Variants in BICD1 observed in about 807,000 individuals in gnomAD.
BICD1 encodes protein bicaudal D homolog 1.
Under a neutral mutation model 92.5 loss-of-function variants are expected in BICD1, and 35 were observed. The observed-to-expected ratio is 0.38, with a 90% CI of 0.29 to 0.50. The LOEUF (loss-of-function observed/expected upper bound fraction) is 0.50, where lower values mean the gene tolerates loss of function less well. Among genes scored for constraint, BICD1 ranks in the 20% least tolerant of loss-of-function variants. The pLI, the probability that BICD1 is intolerant of heterozygous loss-of-function variation, is 0.93. For missense variants in BICD1, 950 were observed against 1,189.8 expected (o/e 0.80, Z 2.97); for synonymous variants, 429 against 465.1 (o/e 0.92, Z 1.00).
At chr12:32,376,142 G>GGC (rs1162726250) in intron 9 of BICD1, among the ~76,000 whole-genome samples, 1 of 147,434 alleles carries the variant, frequency 6.8e-6, no homozygotes, top group African/African-American at 2.5e-5. Flanking sequence ...GGAGTACAGT[G>GGC]GCGCCATCTT....
At chr12:32,140,421 G>A (rs906138962) in intron 1 of BICD1, among the ~76,000 whole-genome samples, 1 of 152,164 alleles carries the variant, frequency 6.6e-6, no homozygotes, top group African/African-American at 2.4e-5. Context: ...TATAAAAAAT[G>A]TAATATTTTA....
At chr12:32,190,880 T>C (rs371146556) in intron 1 of BICD1, among the ~76,000 whole-genome samples, 94 of 152,312 alleles carry the variant, frequency 6.2e-4, no homozygotes, top group African/African-American at 2.2e-3. Flanking sequence ...TTAAGAAGAT[T>C]GGAATCATCT....
rs951352633 is a variant in BICD1 at position 32,328,237 on chromosome 12, A to G, written c.1782A>G (p.Pro594=). 2.7e-5 allele frequency: 43 copies of G among 1,614,212 alleles called. No individual in the cohort carries two copies. Among genetic ancestry groups the G allele is most frequent in the Non-Finnish European group, 3.6e-5 (42 of 1,180,036 alleles). The change falls in exon 5 of 10, where the codon CCA becomes CCG. Residue 594 remains proline (P), a synonymous_variant. Coordinates refer to ENST00000652176, the MANE Select transcript of BICD1 (RefSeq NM_001714.4). The surrounding 1 kb of genome is among the most constrained non-coding windows in gnomAD (Gnocchi z 4.4). Reference sequence around the variant, plus strand: ...CAGAGGCCAGCAAAGAACCAAGTCCAACTAAGACCCCCACAATCTCTCCTG... The same window carrying G: ...CAGAGGCCAGCAAAGAACCAAGTCCGACTAAGACCCCCACAATCTCTCCTG... ...ESTEASKEPS[P]TKTPTISPVI... is the part of the protein sequence containing the mutation.
rs1948828911 is a variant in BICD1, at chr12:32,327,927, C to T, written c.1472C>T (p.Thr491Ile). 5.6e-6 allele frequency: 9 copies of T among 1,613,910 alleles called. No homozygotes were observed. Among genetic ancestry groups the T allele is most frequent in the Non-Finnish European group, 7.6e-6 (9 of 1,180,022 alleles). Residue 491 changes from threonine (T) to isoleucine (I), a missense_variant, in exon 5 of 10, where the codon ACC becomes ATC. Around this residue, in one of 5 missense-constraint regions of BICD1, gnomAD observed 309 missense variants for 499.4 expected, o/e 0.62. Transcript: ENST00000652176. ...AHMEKELQKM[T>I]SIANENHSTL... is the part of the protein sequence containing the mutation. ...ATGGAGAAGGAGTTGCAAAAGATGA[C>T]CAGCATAGCCAACGAAAATCACAGT...
intron 1 of BICD1, among the ~76,000 whole-genome samples, chr12:32,195,842 G>T (rs1427161806): frequency 6.6e-6 from 1 of 152,072 alleles, no homozygotes; most frequent in Non-Finnish European, 1.5e-5. Flanking sequence ...TTAAAAGACA[G>T]CCTAAAGAAT....
At chr12:32,164,127 G>A (rs1308666542) in intron 1 of BICD1, among the ~76,000 whole-genome samples, 2 of 152,102 alleles carry the variant, frequency 1.3e-5, no homozygotes, top group African/African-American at 2.4e-5. Context: ...GGCATATGGC[G>A]AATGTCACAG....
At chr12:32,269,999 A>G (rs1031794658) in intron 2 of BICD1, among the ~76,000 whole-genome samples, 4 of 151,670 alleles carry the variant, frequency 2.6e-5, no homozygotes, top group Non-Finnish European at 2.9e-5. Context: ...GCACGTACCT[A>G]TAGTCCCAGC....
chr12:32,194,787 G>A (rs1034122439), intron 1 of BICD1, among the ~76,000 whole-genome samples: 2 of 152,182 alleles, frequency 1.3e-5, no homozygotes, highest in African/African-American at 4.8e-5. Context: ...GGAGGCTGAG[G>A]TAGGAGAATC....
rs1939575184 is a variant in BICD1 at position 32,367,659 on chromosome 12, G to A, written c.2765-11G>A. The A allele has an allele frequency of 1.9e-6, 3 of 1,613,164 alleles. No individual in the cohort carries two copies. Among genetic ancestry groups the A allele is most frequent in the African/African-American group, 1.3e-5 (1 of 75,050 alleles). On this transcript the variant is annotated splice_polypyrimidine_tract_variant and intron_variant, in intron 8 of 9. Transcript: ENST00000652176. ...CTTTGTACACATGTCTAATTTATCA[G>A]TTTCTTGTAGATTGTCAGCAGCCTG...
chr12:32,143,765 G>T (rs10771917), intron 1 of BICD1, among the ~76,000 whole-genome samples: 124,428 of 152,110 alleles, frequency 0.82, 51,011 homozygotes, highest in Admixed American at 0.89. Flanking sequence ...TTCCAGCAGT[G>T]TATGAGAATT....
intron 4 of BICD1, among the ~76,000 whole-genome samples, chr12:32,312,208 CAA>C (rs1470079949): frequency 6.6e-6 from 1 of 151,978 alleles, no homozygotes; most frequent in Non-Finnish European, 1.5e-5. Context: ...AAAAACAAAA[CAA>C]AACAAAAATC....
At chr12:32,249,712 A>T (rs1162992837) in intron 2 of BICD1, among the ~76,000 whole-genome samples, 2 of 151,476 alleles carry the variant, frequency 1.3e-5, no homozygotes, top group Non-Finnish European at 2.9e-5. Context: ...AGTATTTTAA[A>T]ATGTATTTCG....
intron 8 of BICD1, among the ~76,000 whole-genome samples, chr12:32,359,527 CCCATGAATCCAT>C (rs1399144948): frequency 2.4e-5 from 2 of 85,034 alleles, no homozygotes; most frequent in Non-Finnish European, 5.7e-5. Context: ...AATCCATTAA[CCCATGAATCCAT>C]TAATCCATGA....
intron 9 of BICD1, 92 bp downstream of exon 9, chr12:32,367,837 C>A: frequency 8.7e-7 from 1 of 1,149,542 alleles, no homozygotes; most frequent in South Asian, 1.3e-5. Flanking sequence ...GCCTACGCAT[C>A]ATTGTATTTT....
intron 1 of BICD1, among the ~76,000 whole-genome samples, chr12:32,179,146 G>A (rs898757099): frequency 4.0e-5 from 6 of 151,814 alleles, no homozygotes; most frequent in African/African-American, 1.2e-4. Context: ...AGAAGATATC[G>A]TTTAAGAGGG....
chr12:32,350,274 G>A (rs756782397), intron 8 of BICD1, among the ~76,000 whole-genome samples: 1 of 152,128 alleles, frequency 6.6e-6, no homozygotes, highest in Non-Finnish European at 1.5e-5. Context: ...CTTGAGCCCA[G>A]GAGTTCAAGA....
chr12:32,312,521 A>G (rs1948406715), intron 4 of BICD1, among the ~76,000 whole-genome samples: 1 of 152,188 alleles, frequency 6.6e-6, no homozygotes, highest in Non-Finnish European at 1.5e-5. Flanking sequence ...CCTGTGTATA[A>G]ACGGTCAATA....
chr12:32,167,200 A>G (rs1943794570), intron 1 of BICD1, among the ~76,000 whole-genome samples: 1 of 152,190 alleles, frequency 6.6e-6, no homozygotes, highest in Non-Finnish European at 1.5e-5. Flanking sequence ...AAATAATCAG[A>G]TATTTTCAGC....
At chr12:32,225,202 G>T (rs1432920941) in intron 2 of BICD1, among the ~76,000 whole-genome samples, 1 of 152,052 alleles carries the variant, frequency 6.6e-6, no homozygotes, top group African/African-American at 2.4e-5. Flanking sequence ...TCATATAAGT[G>T]GAATAAAACA....
Sources: gnomAD v4.1 joint callset for allele counts (sites outside exome capture counted in the v4.1 genomes callset) on GRCh38, gnomAD v4.1.1 for gene constraint, gnomAD v4.1.1 regional missense constraint, Gnocchi (gnomAD v3.1) non-coding constraint, MANE v1.5 for transcripts, NCBI Gene and HGNC (gene_info 2026-07-23, HGNC 2026-07-21) for gene names.